Variants in SP100 observed in about 807,000 individuals in gnomAD.
SP100 encodes the protein SP100 nuclear body protein, also known as nuclear autoantigen Sp-100.
Under a neutral mutation model 130.0 loss-of-function variants are expected in SP100, and 84 were observed. That is an observed-to-expected ratio of 0.65 (90% confidence interval 0.54 to 0.77). SP100 has a LOEUF of 0.77. SP100 is among the 30% of genes least tolerant of loss of function. The pLI is 0.00. For synonymous variants in SP100, 331 were observed against 351.7 expected, an observed-to-expected ratio of 0.94 and a Z score of 0.66; for missense variants, 978 against 1,052.2, an observed-to-expected ratio of 0.93 and a Z score of 0.97.
intron 17 of SP100, among the ~76,000 whole-genome samples, chr2:230,478,327 A>G (rs1377276067): frequency 1.3e-5 from 2 of 152,214 alleles, no homozygotes; most frequent in African/African-American, 4.8e-5. Context: ...AAATTATCAA[A>G]TAAAACCATC....
chr2:230,472,229 C>A (rs2065298485), intron 15 of SP100, among the ~76,000 whole-genome samples: 1 of 151,820 alleles, frequency 6.6e-6, no homozygotes, highest in Non-Finnish European at 1.5e-5. Context: ...GAGATCAAGA[C>A]CATCCTGGCT....
chr2:230,464,153 A>G lies in SP100; in HGVS notation c.1141+3A>G, dbSNP rs200862615. ...CTCACGACCCCAGATTGTACCAGGT[A>G]AGAATATTAGAGTTGCAACCCGAGA... is the stretch of plus-strand genomic sequence containing the variant. On this transcript the variant is annotated splice_donor_region_variant and intron_variant, in intron 11 of 28. Coordinates refer to ENST00000340126, the MANE Select transcript of SP100 (RefSeq NM_001080391.2). 7.6e-6 allele frequency: 12 copies of G among 1,585,280 alleles called. No individual in the cohort carries two copies. The African/African-American group carries it at 1.3e-4, about 18-fold the overall frequency.
At chr2:230,535,446 AT>A (rs913908072) in intron 24 of SP100, among the ~76,000 whole-genome samples, 1 of 151,938 alleles carries the variant, frequency 6.6e-6, no homozygotes, top group Non-Finnish European at 1.5e-5. Context: ...TTTCTTATGG[AT>A]TTTTTTTGTT....
Position 230,474,396 on chromosome 2 carries a change from A to G in SP100, c.1549A>G (p.Thr517Ala). 6.6e-7 allele frequency: 1 copy of G among 1,519,904 alleles called. No individual in the cohort carries two copies. Among genetic ancestry groups the G allele is most frequent in the Non-Finnish European group, 9.1e-7 (1 of 1,101,992 alleles). The allele number at this position is 1,519,904 out of a possible 1,614,324, so 94.2% of individuals were successfully genotyped here. The change falls in exon 17 of 29, where the codon ACC (threonine) becomes GCC (alanine). Residue 517 changes from threonine to alanine, a missense_variant and splice_region_variant. Thr to Ala is a moderately conservative substitution (Grantham distance 58). Coordinates refer to ENST00000340126, the MANE Select transcript of SP100 (RefSeq NM_001080391.2). ...GACCACTACCTGTCACTTTCTAGAT[A>G]CCATGGATGTTGAAAACAATTCTAC... Reference protein sequence around the residue: ...ESSQASDMMDTMDVENNSTLE... With the variant: ...ESSQASDMMDAMDVENNSTLE...
chr2:230,426,184 C>T (rs943468570), intron 2 of SP100, among the ~76,000 whole-genome samples: 5 of 151,970 alleles, frequency 3.3e-5, no homozygotes, highest in Non-Finnish European at 5.9e-5. Context: ...TTTTGTTTAT[C>T]TTTTCAAAGA....
intron 12 of SP100, 68 bp downstream of exon 12, chr2:230,466,422 A>G: frequency 1.3e-5 from 11 of 862,524 alleles, no homozygotes; most frequent in Non-Finnish European, 1.9e-5. Flanking sequence ...AATGAACAAT[A>G]TTTTCTACAA....
chr2:230,442,388 A>T (rs536392961), intron 2 of SP100, among the ~76,000 whole-genome samples: 1 of 152,344 alleles, frequency 6.6e-6, no homozygotes, highest in East Asian at 1.9e-4. Flanking sequence ...TCATATTCTC[A>T]TGAAATTCTC....
chr2:230,504,182 G>T lies in SP100; in HGVS notation c.1766-4G>T, dbSNP rs6705605. 0.14 allele frequency: 220,531 copies of T among 1,575,034 alleles called. 16,450 individuals carry two copies. Among genetic ancestry groups the T allele is most frequent in the African/African-American group, 0.23 (16,762 of 74,060 alleles). ...GGAATGGAAAAAAAAATGCTTCCTT[G>T]CAGGTCCAAGAATTCCCAAAGATGA... On this transcript the variant is annotated splice_region_variant and splice_polypyrimidine_tract_variant and intron_variant, in intron 20 of 28. Coordinates refer to ENST00000340126, the MANE Select transcript of SP100 (RefSeq NM_001080391.2).
intron 17 of SP100, among the ~76,000 whole-genome samples, chr2:230,478,908 C>T (rs141526338): frequency 3.3e-5 from 5 of 152,210 alleles, no homozygotes; most frequent in Admixed American, 2.6e-4. Flanking sequence ...GCAACTTCTG[C>T]CTCCCGGATT....
intron 2 of SP100, among the ~76,000 whole-genome samples, chr2:230,426,006 A>G (rs574903281): frequency 3.9e-5 from 6 of 151,930 alleles, no homozygotes; most frequent in South Asian, 4.2e-4. Flanking sequence ...GACTTTATCT[A>G]TTTTTTCTAG....
chr2:230,441,286 G>T (rs112439088), intron 2 of SP100, among the ~76,000 whole-genome samples: 8 of 152,286 alleles, frequency 5.3e-5, no homozygotes, highest in African/African-American at 1.7e-4. Context: ...CACTGGAATG[G>T]CTAAAACTAG....
intron 17 of SP100, 61 bp from the exon 18 acceptor site, chr2:230,494,355 A>G: frequency 1.6e-6 from 2 of 1,240,794 alleles, no homozygotes. Context: ...ATTGACATAT[A>G]AAGTGTGTAA....
intron 2 of SP100, 58 bp from the exon 3 acceptor site, chr2:230,442,870 TCTTACAGCC>T: frequency 7.2e-7 from 1 of 1,387,286 alleles, no homozygotes; most frequent in Admixed American, 1.9e-5. Flanking sequence ...ATATGTAAAC[TCTTACAGCC>T]TCCACAAACA....
At chr2:230,498,134 A>G (rs1407017932) in intron 18 of SP100, among the ~76,000 whole-genome samples, 1 of 152,248 alleles carries the variant, frequency 6.6e-6, no homozygotes, top group African/African-American at 2.4e-5. Context: ...TGTCTAGCAC[A>G]TAATAAGCAC....
intron 24 of SP100, among the ~76,000 whole-genome samples, chr2:230,518,010 A>G (rs1409764063): frequency 2.0e-5 from 3 of 152,104 alleles, no homozygotes; most frequent in Non-Finnish European, 4.4e-5. Flanking sequence ...TTCTTTTCAC[A>G]AACCTTATTA....
At chr2:230,476,727 T>G (rs2065567152) in intron 17 of SP100, among the ~76,000 whole-genome samples, 1 of 152,224 alleles carries the variant, frequency 6.6e-6, no homozygotes. Context: ...ATAAAAAGTC[T>G]TATTTCAGAG....
At chr2:230,439,467 A>G (rs1214497657) in intron 2 of SP100, among the ~76,000 whole-genome samples, 1 of 151,946 alleles carries the variant, frequency 6.6e-6, no homozygotes, top group Non-Finnish European at 1.5e-5. Context: ...GGCATCTGTG[A>G]TTTCTTTCAG....
chr2:230,481,332 A>G (rs1336743101), intron 17 of SP100, among the ~76,000 whole-genome samples: 1 of 152,138 alleles, frequency 6.6e-6, no homozygotes, highest in Non-Finnish European at 1.5e-5. Context: ...CTTGATTCTC[A>G]TTCCCAAACT....
intron 23 of SP100, chr2:230,510,368 G>A (rs890500836): frequency 1.3e-5 from 2 of 152,562 alleles, no homozygotes; most frequent in Admixed American, 1.3e-4. Context: ...TTATTCCTGG[G>A]ACACCTGCAT....
Sources: gnomAD v4.1 joint callset for allele counts (sites outside exome capture counted in the v4.1 genomes callset) on GRCh38, gnomAD v4.1.1 for gene constraint, MANE v1.5 for transcripts, NCBI Gene and HGNC (gene_info 2026-07-23, HGNC 2026-07-21) for gene names.